The following CEP128 variants were observed in gnomAD, a reference collection of about 807,000 sequenced individuals.
The protein encoded by CEP128 is centrosomal protein 128kDa.
A neutral mutation model predicts 156.7 loss-of-function variants in CEP128; 132 were observed. That is an observed-to-expected ratio of 0.84 (90% CI 0.73 to 0.97). CEP128 has a LOEUF of 0.97. Ranked by LOEUF, CEP128 falls within the 50% of genes least tolerant of loss-of-function variation. The probability of loss-of-function intolerance (pLI) is 0.00; values close to 1 mark genes in which losing one functional copy is unlikely to be tolerated. For missense variants in CEP128, 1,252 were observed against 1,281.9 expected, an observed-to-expected ratio of 0.98 and a Z score of 0.36; for synonymous variants, 469 against 448.9, an observed-to-expected ratio of 1.04 and a Z score of -0.57.
chr14:80,540,339 G>A (rs1044074338), intron 21 of CEP128, among the ~76,000 whole-genome samples: 2 of 152,056 alleles, frequency 1.3e-5, no homozygotes, highest in African/African-American at 4.8e-5. Flanking sequence ...TTATTTCTCA[G>A]CCAGCTGACA....
intron 7 of CEP128, 152 bp from the exon 8 acceptor site, chr14:80,895,942 T>A: frequency 1.6e-6 from 1 of 615,892 alleles, no homozygotes; most frequent in East Asian, 3.1e-5. Flanking sequence ...GTGGAAGGCT[T>A]GTTAAAACAC....
chr14:80,586,822 T>C (rs901541229), intron 19 of CEP128, among the ~76,000 whole-genome samples: 2 of 152,202 alleles, frequency 1.3e-5, no homozygotes, highest in African/African-American at 4.8e-5. Flanking sequence ...AAAATCTGTT[T>C]CAATGAATGA....
At chr14:80,659,188 T>C (rs887967136) in intron 19 of CEP128, among the ~76,000 whole-genome samples, 3 of 152,112 alleles carry the variant, frequency 2.0e-5, no homozygotes, top group Admixed American at 6.5e-5. Flanking sequence ...AAGGTACAAA[T>C]AGGTCATAGT....
At chr14:80,860,920 A>G (rs1887482421) in intron 9 of CEP128, among the ~76,000 whole-genome samples, 1 of 152,060 alleles carries the variant, frequency 6.6e-6, no homozygotes, top group Non-Finnish European at 1.5e-5. Flanking sequence ...CATTTCATAA[A>G]TGAAAAGAAT....
intron 18 of CEP128, among the ~76,000 whole-genome samples, chr14:80,753,575 G>A (rs547991651): frequency 1.9e-4 from 29 of 152,222 alleles, no homozygotes; most frequent in Non-Finnish European, 3.4e-4. Flanking sequence ...GCTGGCCTGC[G>A]CTAGATTTGA....
intron 19 of CEP128, among the ~76,000 whole-genome samples, chr14:80,636,491 C>A (rs1401544840): frequency 6.6e-6 from 1 of 152,156 alleles, no homozygotes; most frequent in Admixed American, 6.5e-5. Flanking sequence ...CCAGGCTTTG[C>A]AGAAACACAT....
intron 21 of CEP128, among the ~76,000 whole-genome samples, chr14:80,559,046 A>T (rs903529228): frequency 1.3e-5 from 2 of 152,332 alleles, no homozygotes; most frequent in Non-Finnish European, 2.9e-5. Flanking sequence ...GACATCAGAA[A>T]TACTGAGAGA....
At position 80,689,416 on chromosome 14, in the gene CEP128, C is replaced by T. The variant is rs145532676; in HGVS notation, c.2806+53659G>A. On this transcript the variant is annotated intron_variant, in intron 19 of 24. Coordinates refer to ENST00000555265, the MANE Select transcript of CEP128 (RefSeq NM_152446.5). ...AGGAACTGTTAGAAGGAATTGAGAA[C>T]GTGAACCTAAAGAGACCATAAATAG... Among the ~76,000 whole-genome samples the T allele has an allele frequency of 2.1e-3, 319 of 151,392 alleles. 1 individual carries two copies. Among genetic ancestry groups the T allele is most frequent in the African/African-American group, 7.4e-3 (305 of 41,264 alleles).
At chr14:80,820,846 T>C (rs1456469592) in intron 13 of CEP128, among the ~76,000 whole-genome samples, 1 of 152,242 alleles carries the variant, frequency 6.6e-6, no homozygotes, top group East Asian at 1.9e-4. Context: ...GCCAAATTTA[T>C]TAATCTTCTC....
intron 19 of CEP128, among the ~76,000 whole-genome samples, chr14:80,694,299 G>A (rs1355236728): frequency 6.6e-6 from 1 of 152,154 alleles, no homozygotes; most frequent in Non-Finnish European, 1.5e-5. Flanking sequence ...TACGCCGTTG[G>A]TGGGAGTGTA....
chr14:80,646,454 A>G (rs1894635790), intron 19 of CEP128, among the ~76,000 whole-genome samples: 1 of 152,118 alleles, frequency 6.6e-6, no homozygotes, highest in South Asian at 2.1e-4. Flanking sequence ...TTAGAAAAGG[A>G]TCATAACTAT....
chr14:80,938,120 A>G (rs558943709), intron 2 of CEP128, among the ~76,000 whole-genome samples: 3 of 150,676 alleles, frequency 2.0e-5, no homozygotes, highest in Non-Finnish European at 4.4e-5. Flanking sequence ...GTGTTCTAAA[A>G]CTCCTGGGCT....
intron 13 of CEP128, among the ~76,000 whole-genome samples, chr14:80,813,878 A>C (rs1884699301): frequency 6.6e-6 from 1 of 152,086 alleles, no homozygotes; most frequent in African/African-American, 2.4e-5. Flanking sequence ...TTGAGAAAAA[A>C]TTTTTATATA....
intron 19 of CEP128, among the ~76,000 whole-genome samples, chr14:80,619,367 G>GACACACACAC (rs34190837): frequency 0.051 from 7,152 of 139,366 alleles, 380 homozygotes; most frequent in East Asian, 0.15. Flanking sequence ...AAGACACACA[G>GACACACACAC]ACACACACAC....
intron 16 of CEP128, among the ~76,000 whole-genome samples, chr14:80,769,735 C>T (rs1245835642): frequency 6.6e-6 from 1 of 151,980 alleles, no homozygotes. Flanking sequence ...ATAACAAGCA[C>T]CTCTTAGGTG....
chr14:80,798,414 T>G (rs1883623489), intron 13 of CEP128, among the ~76,000 whole-genome samples: 1 of 152,188 alleles, frequency 6.6e-6, no homozygotes, highest in Non-Finnish European at 1.5e-5. Flanking sequence ...CCAGTGAAAT[T>G]ACGCAAGACA....
At chr14:80,837,837 T>C (rs1301795684) in intron 11 of CEP128, among the ~76,000 whole-genome samples, 3 of 152,230 alleles carry the variant, frequency 2.0e-5, no homozygotes, top group Non-Finnish European at 2.9e-5. Flanking sequence ...GTCTGCTGCA[T>C]GTAGTTTACT....
At chr14:80,873,377 C>T (rs1273800817) in intron 8 of CEP128, among the ~76,000 whole-genome samples, 2 of 152,094 alleles carry the variant, frequency 1.3e-5, no homozygotes, top group African/African-American at 2.4e-5. Context: ...AAACTGTAGA[C>T]TATATATAGA....
At chr14:80,936,217 G>A (rs1885799559) in intron 2 of CEP128, among the ~76,000 whole-genome samples, 1 of 152,162 alleles carries the variant, frequency 6.6e-6, no homozygotes, top group African/African-American at 2.4e-5. Context: ...ATGCAGAGTA[G>A]ATTCTAAATG....
Sources: allele counts gnomAD v4.1 joint callset (sites outside exome capture counted in the v4.1 genomes callset), GRCh38; gene constraint gnomAD v4.1.1; transcripts MANE v1.5; gene names NCBI Gene and HGNC (gene_info 2026-07-23, HGNC 2026-07-21).